LIMK2: variants seen among roughly 807,000 people sequenced by gnomAD.
LIMK2 encodes LIM domain kinase 2.
LIMK2 carries 35 observed loss-of-function variants against 75.7 expected under a neutral mutation model. The observed-to-expected ratio is 0.46, with a 90% CI of 0.35 to 0.61. The LOEUF (loss-of-function observed/expected upper bound fraction) is 0.61, where lower values mean the gene tolerates loss of function less well. Ranked by LOEUF, LIMK2 falls within the 20% of genes least tolerant of loss-of-function variation. The pLI is 0.00. For missense variants in LIMK2, 623 were observed against 831.0 expected (o/e 0.75, Z 3.08); for synonymous variants, 301 against 319.2 (o/e 0.94, Z 0.61).
In LIMK2 at chr22:31,236,931, CATAAA is replaced by C. The variant is rs200484476; in HGVS notation, c.116+11144_116+11148del. Among the ~76,000 whole-genome samples the C allele has an allele frequency of 8.1e-3, 1,174 of 144,780 alleles. 10 individuals are homozygous for C. Among genetic ancestry groups the C allele is most frequent in the African/African-American group, 0.025 (970 of 39,122 alleles). 95.0% of individuals were successfully genotyped at this position (144,780 alleles called of 152,430 possible). A position where few individuals can be genotyped will look rare whatever the true frequency, so the allele number is the denominator to read the frequency against. Reference sequence around the variant, plus strand: ...GACTCTGTCTCAATAAATAAATAAACATAAAATAAAATAAAATAAAATAAAATAAA... The same window carrying C: ...GACTCTGTCTCAATAAATAAATAAACATAAAATAAAATAAAATAAAATAAA... On this transcript the variant is annotated intron_variant, in intron 2 of 15. Coordinates refer to ENST00000331728, the MANE Select transcript of LIMK2 (RefSeq NM_005569.4).
intron 2 of LIMK2, among the ~76,000 whole-genome samples, chr22:31,240,972 C>G (rs2048619634): frequency 6.6e-6 from 1 of 152,154 alleles, no homozygotes; most frequent in South Asian, 2.1e-4. Context: ...AGTGATCTAT[C>G]CTGCCTGCCT....
At chr22:31,243,111 G>A (rs1033164004) in intron 2 of LIMK2, among the ~76,000 whole-genome samples, 5 of 152,270 alleles carry the variant, frequency 3.3e-5, no homozygotes, top group Non-Finnish European at 7.4e-5. Context: ...TAGCAGAGAT[G>A]GAGTTTCTCC....
chr22:31,220,167 T>C (rs988612429), intron 1 of LIMK2, among the ~76,000 whole-genome samples: 1 of 152,182 alleles, frequency 6.6e-6, no homozygotes, highest in African/African-American at 2.4e-5. Flanking sequence ...AGTGTTCTCT[T>C]GAAGAGGGTC....
intron 14 of LIMK2, 142 bp from the exon 15 acceptor site, chr22:31,275,009 G>T: frequency 1.3e-6 from 1 of 762,552 alleles, no homozygotes; most frequent in Non-Finnish European, 2.2e-6. Flanking sequence ...AGAGATGATT[G>T]GGGATTGGGG....
At chr22:31,248,285 C>T in intron 2 of LIMK2, 1 of 1,140,146 alleles carries the variant, frequency 8.8e-7, no homozygotes, top group South Asian at 1.6e-5. Flanking sequence ...CAACCACACA[C>T]CTCGGTTCTG....
intron 8 of LIMK2, 92 bp from the exon 9 acceptor site, chr22:31,266,892 A>G: frequency 1.2e-6 from 1 of 866,704 alleles, no homozygotes; most frequent in Non-Finnish European, 1.9e-6. Context: ...GTGCCCTCCA[A>G]GGGATGGGAT....
rs537928666 is a variant in LIMK2 at position 31,261,348 on chromosome 22, C to T, written c.552-786C>T. Among the ~76,000 whole-genome samples the T allele has an allele frequency of 1.2e-4, 18 of 152,132 alleles. No individual in the cohort carries two copies. The South Asian group carries it at 3.7e-3, about 32-fold the overall frequency. On this transcript the variant is annotated intron_variant, in intron 5 of 15. Coordinates refer to ENST00000331728, the MANE Select transcript of LIMK2 (RefSeq NM_005569.4). ...GGATCACAAGGTCAGGAGATCAAGA[C>T]CATCCTGGCTAACACAATGAAACCC...
intron 7 of LIMK2, 138 bp from the exon 8 acceptor site, chr22:31,265,808 G>A: frequency 1.5e-6 from 1 of 655,380 alleles, no homozygotes; most frequent in South Asian, 2.0e-5. Flanking sequence ...TCTGATGTAA[G>A]AGCCCCTGTT....
intron 2 of LIMK2, among the ~76,000 whole-genome samples, chr22:31,243,627 A>G (rs2048642530): frequency 6.6e-6 from 1 of 152,156 alleles, no homozygotes; most frequent in African/African-American, 2.4e-5. Context: ...CAGGTTTCCA[A>G]CTTATGAAAT....
chr22:31,261,559 A>G (rs1211402716), intron 5 of LIMK2, among the ~76,000 whole-genome samples: 5 of 151,288 alleles, frequency 3.3e-5, no homozygotes, highest in Admixed American at 3.3e-4. Context: ...AAAAAAAAAG[A>G]GTTTGGGATT....
intron 15 of LIMK2, chr22:31,276,761 C>A: frequency 1.3e-6 from 2 of 1,584,070 alleles, no homozygotes; most frequent in Non-Finnish European, 1.7e-6. Context: ...CAGGCAGTGG[C>A]GGCCAAGGAC....
intron 2 of LIMK2, among the ~76,000 whole-genome samples, chr22:31,241,189 C>T (rs1338868330): frequency 6.6e-6 from 1 of 152,180 alleles, no homozygotes. Context: ...ACCAGAGGGT[C>T]CAATGCTGCT....
intron 2 of LIMK2, among the ~76,000 whole-genome samples, chr22:31,247,599 C>T (rs1188615461): frequency 6.6e-6 from 1 of 152,112 alleles, no homozygotes; most frequent in Non-Finnish European, 1.5e-5. Flanking sequence ...AGAATGAAGC[C>T]TGGTAGTGGG....
chr22:31,276,963 G>C, intron 15 of LIMK2: 2 of 1,613,976 alleles, frequency 1.2e-6, no homozygotes, highest in Non-Finnish European at 8.5e-7. Flanking sequence ...AGGAAGAGGA[G>C]ATCTCAGAAC....
chr22:31,269,268 T>A (rs2123856684), intron 11 of LIMK2, among the ~76,000 whole-genome samples: 1 of 150,912 alleles, frequency 6.6e-6, no homozygotes, highest in East Asian at 1.9e-4. Context: ...CCACACCTAA[T>A]TTTTTGAATT....
At chr22:31,230,471 T>C (rs562455238) in intron 2 of LIMK2, among the ~76,000 whole-genome samples, 1 of 152,306 alleles carries the variant, frequency 6.6e-6, no homozygotes, top group Admixed American at 6.5e-5. Flanking sequence ...GAAGAAAAGC[T>C]ACCCCTATTA....
At chr22:31,252,857 A>G (rs2048739374) in intron 2 of LIMK2, among the ~76,000 whole-genome samples, 1 of 152,252 alleles carries the variant, frequency 6.6e-6, no homozygotes, top group Non-Finnish European at 1.5e-5. Context: ...GCTCAGAGTC[A>G]TGAAGTAACT....
In LIMK2 at chr22:31,239,414, G is replaced by A. The variant is rs116786464; in HGVS notation, c.116+13595G>A. On this transcript the variant is annotated intron_variant, in intron 2 of 15. Transcript: ENST00000331728. ...CTGCCCATATGTGCCATGCACTAGA[G>A]CTTACAGACCTGCTCAGCGTTATAT... Among the ~76,000 whole-genome samples the A allele has an allele frequency of 3.7e-3, 567 of 152,298 alleles. 5 individuals are homozygous for A. The highest frequency in any genetic ancestry group is 0.013 in the African/African-American group (534 of 41,556).
intron 2 of LIMK2, among the ~76,000 whole-genome samples, chr22:31,228,194 A>T (rs2048496245): frequency 6.6e-6 from 1 of 152,164 alleles, no homozygotes; most frequent in African/African-American, 2.4e-5. Flanking sequence ...AGGCAGGTGG[A>T]TCACCTGAGG....
Sources: gnomAD v4.1 joint callset for allele counts (sites outside exome capture counted in the v4.1 genomes callset) on GRCh38, gnomAD v4.1.1 for gene constraint, MANE v1.5 for transcripts, NCBI Gene and HGNC (gene_info 2026-07-23, HGNC 2026-07-21) for gene names.